The following GLE1 variants were observed in gnomAD, a reference collection of about 807,000 sequenced individuals.
GLE1 encodes GLE1 RNA export mediator, also known as mRNA export factor GLE1.
GLE1 carries 78 observed loss-of-function variants against 97.3 expected under a neutral mutation model. The ratio of observed to expected loss-of-function variants is 0.80; its 90% CI spans 0.67 to 0.97. The LOEUF is 0.97. Ranked by LOEUF, GLE1 falls within the 50% of genes least tolerant of loss-of-function variation. The pLI is 0.00. For synonymous variants in GLE1, 302 were observed against 313.4 expected, an observed-to-expected ratio of 0.96 and a Z score of 0.39; for missense variants, 753 against 857.5, an observed-to-expected ratio of 0.88 and a Z score of 1.52.
intron 1 of GLE1, 67 bp downstream of exon 1, chr9:128,504,971 G>A (rs1380090961): frequency 6.6e-6 from 7 of 1,056,738 alleles, no homozygotes; most frequent in African/African-American, 6.2e-5. Flanking sequence ...CTCCCTAGCC[G>A]TTGGCACGTT....
At chr9:128,510,064 T>A (rs1846760078) in intron 2 of GLE1, among the ~76,000 whole-genome samples, 1 of 152,042 alleles carries the variant, frequency 6.6e-6, no homozygotes, top group Non-Finnish European at 1.5e-5. Context: ...TTCTTCACCC[T>A]CCCTTTTTTT....
intron 9 of GLE1, 152 bp from the exon 10 acceptor site, chr9:128,533,361 C>T (rs529918046): frequency 4.5e-5 from 27 of 606,030 alleles, no homozygotes; most frequent in Admixed American, 6.8e-5. Flanking sequence ...ACTCGGGAGA[C>T]GGAGGTTGCA....
intron 9 of GLE1, among the ~76,000 whole-genome samples, chr9:128,529,408 C>T (rs987810019): frequency 3.3e-5 from 5 of 152,214 alleles, no homozygotes; most frequent in Non-Finnish European, 7.3e-5. Flanking sequence ...TGTTCCCTTT[C>T]CTTCCTGTCT....
At chr9:128,505,618 A>C (rs1369444812) in intron 1 of GLE1, among the ~76,000 whole-genome samples, 1 of 152,232 alleles carries the variant, frequency 6.6e-6, no homozygotes, top group East Asian at 1.9e-4. Flanking sequence ...TCTTGGCAGG[A>C]ATACCACAGA....
intron 3 of GLE1, 43 bp downstream of exon 3, chr9:128,515,682 C>CCT (rs1846964710): frequency 2.0e-6 from 2 of 1,012,014 alleles, no homozygotes; most frequent in South Asian, 2.6e-5. Flanking sequence ...TCCTGCGAGC[C>CCT]ACATTTAACT....
rs3763600 is a variant in GLE1 at position 128,536,311 on chromosome 9, A to G, written c.1647-44A>G. 361,823 of 1,573,116 alleles carry G rather than the reference A, an allele frequency of 0.23. 45,687 individuals carry two copies. Among genetic ancestry groups the G allele is most frequent in the East Asian group, 0.47 (20,553 of 43,342 alleles). ...GGCCTCCCAAAGTGCTGGGATTACAAGCGTGAGCCACCACACCCGGCCAAA... is the reference window on the plus strand; with the variant it reads ...GGCCTCCCAAAGTGCTGGGATTACAGGCGTGAGCCACCACACCCGGCCAAA... On this transcript the variant is annotated intron_variant, in intron 11 of 15. Transcript: ENST00000309971.
rs1261984136 is a variant in GLE1, at chr9:128,541,225, C to G, written c.*55C>G. ...CTGCAAAGAGGCAATAATAAAGGAA[C>G]TGAAGACAGCTGTATTTGGGAGAAG... On this transcript the variant is annotated 3_prime_UTR_variant, in exon 16 of 16. Coordinates refer to ENST00000309971, the MANE Select transcript of GLE1 (RefSeq NM_001003722.2). 2.1e-6 allele frequency: 2 copies of G among 950,576 alleles called. No individual in the cohort carries two copies. Among genetic ancestry groups the G allele is most frequent in the Admixed American group, 3.4e-5 (2 of 59,246 alleles). The allele number at this position is 950,576 out of a possible 1,614,324, so 58.9% of individuals were successfully genotyped here.
At chr9:128,508,766 C>G in intron 1 of GLE1, 110 bp from the exon 2 acceptor site, 1 of 741,208 alleles carries the variant, frequency 1.3e-6, no homozygotes, top group South Asian at 1.4e-5. Flanking sequence ...TACTTTGGGT[C>G]TTTGATGTTT....
At chr9:128,505,884 G>A (rs1023715500) in intron 1 of GLE1, among the ~76,000 whole-genome samples, 1 of 152,144 alleles carries the variant, frequency 6.6e-6, no homozygotes, top group Admixed American at 6.5e-5. Flanking sequence ...CCTCTATGAC[G>A]TTGCCAGATC....
At chr9:128,522,874 C>T in intron 4 of GLE1, 58 bp downstream of exon 4, 1 of 1,585,556 alleles carries the variant, frequency 6.3e-7, no homozygotes, top group East Asian at 2.2e-5. Context: ...AACTCTTTCC[C>T]AAGAGGAATT....
intron 11 of GLE1, among the ~76,000 whole-genome samples, chr9:128,534,930 G>A (rs541456019): frequency 2.0e-5 from 3 of 151,778 alleles, no homozygotes; most frequent in African/African-American, 7.2e-5. Context: ...TGTTGGCCAG[G>A]ATGGTCTCGA....
At chr9:128,530,574 G>A (rs113835887) in intron 9 of GLE1, among the ~76,000 whole-genome samples, 7 of 152,294 alleles carry the variant, frequency 4.6e-5, no homozygotes, top group African/African-American at 1.2e-4. Flanking sequence ...CTCAGTAAGC[G>A]TTTAATGAAT....
chr9:128,522,308 G>A (rs561867055), intron 3 of GLE1, among the ~76,000 whole-genome samples: 2 of 152,330 alleles, frequency 1.3e-5, no homozygotes, highest in African/African-American at 2.4e-5. Flanking sequence ...CCGATGGGCA[G>A]GTAGCCCGCA....
chr9:128,537,668 C>T (rs971215218), intron 12 of GLE1, among the ~76,000 whole-genome samples: 6 of 151,754 alleles, frequency 4.0e-5, no homozygotes, highest in Non-Finnish European at 8.8e-5. Flanking sequence ...TAGCTGAGCA[C>T]GGTGGCATGT....
chr9:128,527,464 G>A lies in GLE1; in HGVS notation c.1251G>A (p.Lys417=). 1 of 1,612,402 alleles carries A rather than the reference G, an allele frequency of 6.2e-7. No individual in the cohort carries two copies. The highest frequency in any genetic ancestry group is 8.5e-7 in the Non-Finnish European group (1 of 1,178,464). Residue 417 remains lysine (K), a synonymous_variant, in exon 9 of 16, where the codon AAG becomes AAA. Coordinates refer to ENST00000309971, the MANE Select transcript of GLE1 (RefSeq NM_001003722.2). ...CTGTTCTCTTCTGGCAGGCCAAAAA[G>A]ATAAAGATGGACCTCCAGAAGGCTG... ...LTNSKDSQAK[K]IKMDLQKAAT...
At chr9:128,511,209 A>G (rs924568281) in intron 2 of GLE1, among the ~76,000 whole-genome samples, 2 of 150,536 alleles carry the variant, frequency 1.3e-5, no homozygotes, top group African/African-American at 2.4e-5. Flanking sequence ...GTCTCAAAAT[A>G]TATGTATATA....
Position 128,539,213 on chromosome 9 carries a change from G to A in GLE1, c.1882-403G>A, listed in dbSNP as rs552920734. On this transcript the variant is annotated intron_variant, in intron 13 of 15. Transcript: ENST00000309971. The stretch of plus-strand genomic sequence containing the variant: ...CATGCCAGTGTCCTCTAGCCTGGGC[G>A]ACAGAGTGAGACCCTATTTCAAAAA... Among the ~76,000 whole-genome samples the A allele has an allele frequency of 3.1e-4, 47 of 152,018 alleles. 1 individual carries two copies. Among genetic ancestry groups the A allele is most frequent in the Admixed American group, 2.0e-3 (31 of 15,240 alleles).
At position 128,541,218 on chromosome 9, in the gene GLE1, A is replaced by G. The variant is rs749516932; in HGVS notation, c.*48A>G. ...ACCGCTGCTGCAAAGAGGCAATAAT[A>G]AAGGAACTGAAGACAGCTGTATTTG... On this transcript the variant is annotated 3_prime_UTR_variant, in exon 16 of 16. Coordinates refer to ENST00000309971, the MANE Select transcript of GLE1 (RefSeq NM_001003722.2). The G allele has an allele frequency of 9.8e-7, 1 of 1,017,208 alleles. No homozygotes were observed. Among genetic ancestry groups the G allele is most frequent in the Non-Finnish European group, 1.6e-6 (1 of 633,934 alleles). The allele number at this position is 1,017,208 out of a possible 1,614,324, so 63.0% of individuals were successfully genotyped here.
At chr9:128,510,830 G>GTTT (rs370393212) in intron 2 of GLE1, among the ~76,000 whole-genome samples, 4 of 127,486 alleles carry the variant, frequency 3.1e-5, no homozygotes, top group Non-Finnish European at 5.1e-5. Flanking sequence ...TGCCTGGCCA[G>GTTT]TTTTTTTTTT....
Sources: gnomAD v4.1 joint callset for allele counts (sites outside exome capture counted in the v4.1 genomes callset) on GRCh38, gnomAD v4.1.1 for gene constraint, MANE v1.5 for transcripts, NCBI Gene and HGNC (gene_info 2026-07-23, HGNC 2026-07-21) for gene names.